The following RALGAPA1 variants were observed in gnomAD, a reference collection of about 807,000 sequenced individuals.
RALGAPA1 encodes Ral GTPase activating protein catalytic subunit alpha 1.
A neutral mutation model predicts 269.6 loss-of-function variants in RALGAPA1; 52 were observed. The observed-to-expected ratio is 0.19, with a 90% CI of 0.15 to 0.24. The LOEUF (loss-of-function observed/expected upper bound fraction) is 0.24, where lower values mean the gene tolerates loss of function less well. Among genes scored for constraint, RALGAPA1 ranks in the 10% least tolerant of loss-of-function variants. The pLI, the probability that RALGAPA1 is intolerant of heterozygous loss-of-function variation, is 1.00. For synonymous variants in RALGAPA1, 817 were observed against 1,008.3 expected, an observed-to-expected ratio of 0.81 and a Z score of 3.60; for missense variants, 1,917 against 3,013.9, an observed-to-expected ratio of 0.64 and a Z score of 8.52.
intron 37 of RALGAPA1, among the ~76,000 whole-genome samples, chr14:35,579,451 A>C (rs893292857): frequency 2.0e-5 from 3 of 152,052 alleles, no homozygotes; most frequent in African/African-American, 7.2e-5. Context: ...AAACATGGTG[A>C]AACCTTGTCT....
At chr14:35,621,084 G>A (rs1221761008) in intron 35 of RALGAPA1, among the ~76,000 whole-genome samples, 1 of 152,120 alleles carries the variant, frequency 6.6e-6, no homozygotes, top group East Asian at 1.9e-4. Flanking sequence ...AACAAAGCTG[G>A]AGGCATCATG....
chr14:35,638,067 A>C (rs1342926390), intron 31 of RALGAPA1, among the ~76,000 whole-genome samples: 3 of 152,248 alleles, frequency 2.0e-5, no homozygotes, highest in Non-Finnish European at 4.4e-5. Context: ...AGAAATGCTA[A>C]AGGGATTTCT....
At chr14:35,550,762 A>C (rs2054923213) in intron 39 of RALGAPA1, among the ~76,000 whole-genome samples, 1 of 152,190 alleles carries the variant, frequency 6.6e-6, no homozygotes, top group Non-Finnish European at 1.5e-5. Flanking sequence ...CTTGAATCCC[A>C]ATTCTATTAC....
chr14:35,751,603 G>A (rs984822242), intron 8 of RALGAPA1, among the ~76,000 whole-genome samples: 1 of 151,860 alleles, frequency 6.6e-6, no homozygotes, highest in South Asian at 2.1e-4. Context: ...GGGCAACATA[G>A]GGAGATCCCA....
At chr14:35,711,356 T>A (rs1312262862) in intron 16 of RALGAPA1, among the ~76,000 whole-genome samples, 4 of 152,242 alleles carry the variant, frequency 2.6e-5, no homozygotes, top group African/African-American at 7.2e-5. Context: ...TCTATTTTTC[T>A]CCCCTCCTAG....
intron 35 of RALGAPA1, among the ~76,000 whole-genome samples, chr14:35,624,288 T>A (rs1456886804): frequency 6.7e-6 from 1 of 148,570 alleles, no homozygotes; most frequent in African/African-American, 2.5e-5. Context: ...AACCAAATAA[T>A]TATTTTTAAG....
At chr14:35,779,398 C>T (rs772804022) in intron 1 of RALGAPA1, among the ~76,000 whole-genome samples, 4 of 151,940 alleles carry the variant, frequency 2.6e-5, no homozygotes, top group Non-Finnish European at 5.9e-5. Flanking sequence ...GTGGCATGTG[C>T]CTCTAGTCCC....
chr14:35,696,869 A>G (rs985987204), intron 17 of RALGAPA1, among the ~76,000 whole-genome samples: 6 of 152,138 alleles, frequency 3.9e-5, no homozygotes, highest in Admixed American at 6.6e-5. Flanking sequence ...AAAACCATTT[A>G]CTTTTTCCCC....
intron 1 of RALGAPA1, among the ~76,000 whole-genome samples, chr14:35,785,908 T>A (rs1431733974): frequency 3.3e-5 from 5 of 152,300 alleles, no homozygotes; most frequent in African/African-American, 1.2e-4. Flanking sequence ...CCAGGCACAG[T>A]GGCTTATGCC....
At chr14:35,544,259 A>T (rs1444517564) in intron 41 of RALGAPA1, among the ~76,000 whole-genome samples, 1 of 152,230 alleles carries the variant, frequency 6.6e-6, no homozygotes, top group South Asian at 2.1e-4. Context: ...TTAAAATAAA[A>T]ATCTTTAACA....
At chr14:35,545,845 G>A (rs1413153296) in intron 41 of RALGAPA1, among the ~76,000 whole-genome samples, 2 of 152,046 alleles carry the variant, frequency 1.3e-5, no homozygotes, top group Non-Finnish European at 2.9e-5. Flanking sequence ...TGAACAAACA[G>A]TGTAATCTGG....
intron 16 of RALGAPA1, among the ~76,000 whole-genome samples, chr14:35,712,814 C>T (rs554362002): frequency 6.6e-6 from 1 of 152,182 alleles, no homozygotes; most frequent in African/African-American, 2.4e-5. Context: ...GCTAAGATTA[C>T]AGGCGTGAGT....
chr14:35,564,960 GTCT>G (rs1343596161), intron 39 of RALGAPA1, among the ~76,000 whole-genome samples: 1 of 151,824 alleles, frequency 6.6e-6, no homozygotes, highest in Non-Finnish European at 1.5e-5. Flanking sequence ...TTTTCATTTA[GTCT>G]TCTATTATAA....
intron 37 of RALGAPA1, among the ~76,000 whole-genome samples, chr14:35,593,865 A>G (rs1247637583): frequency 6.6e-6 from 1 of 151,776 alleles, no homozygotes; most frequent in Non-Finnish European, 1.5e-5. Context: ...AAAATAAATA[A>G]ATAAAATATT....
intron 17 of RALGAPA1, among the ~76,000 whole-genome samples, chr14:35,699,218 T>C (rs2067141141): frequency 6.6e-6 from 1 of 152,198 alleles, no homozygotes; most frequent in African/African-American, 2.4e-5. Context: ...GCTAGCACAG[T>C]ATGCACAATC....
In RALGAPA1 at chr14:35,808,839, G is replaced by A; in HGVS notation, c.-4C>T. The A allele has an allele frequency of 1.2e-6, 2 of 1,605,712 alleles. No homozygotes were observed. The highest frequency in any genetic ancestry group is 1.7e-6 in the Non-Finnish European group (2 of 1,176,754). ...CGTGCGGCTTCTTGGAGAACATCCT[G>A]TCGCTGCCACTGCCACTGCCACTGC... On this transcript the variant is annotated 5_prime_UTR_variant, in exon 1 of 42. Coordinates refer to ENST00000680220, the MANE Select transcript of RALGAPA1 (RefSeq NM_001346249.2).
At chr14:35,704,509 T>G (rs2067634515) in intron 16 of RALGAPA1, among the ~76,000 whole-genome samples, 1 of 152,108 alleles carries the variant, frequency 6.6e-6, no homozygotes, top group African/African-American at 2.4e-5. Context: ...CTCTTAGACT[T>G]TCAAAGAAAA....
intron 39 of RALGAPA1, among the ~76,000 whole-genome samples, chr14:35,560,252 C>G (rs906710666): frequency 1.3e-5 from 2 of 152,176 alleles, no homozygotes; most frequent in African/African-American, 2.4e-5. Flanking sequence ...TATTTTCTTT[C>G]TGCTTGACTG....
chr14:35,602,269 A>T (rs1434157700), intron 36 of RALGAPA1, among the ~76,000 whole-genome samples: 2 of 152,230 alleles, frequency 1.3e-5, no homozygotes, highest in Non-Finnish European at 2.9e-5. Context: ...AATGCTGCCA[A>T]GAACATTCAT....
Sources: gnomAD v4.1 joint callset for allele counts (sites outside exome capture counted in the v4.1 genomes callset) on GRCh38, gnomAD v4.1.1 for gene constraint, MANE v1.5 for transcripts, NCBI Gene and HGNC (gene_info 2026-07-23, HGNC 2026-07-21) for gene names.